Variants in TRIM37 observed in about 807,000 individuals in gnomAD.
TRIM37 encodes the protein tripartite motif containing 37.
TRIM37 carries 80 observed loss-of-function variants against 129.8 expected under a neutral mutation model. That is an observed-to-expected ratio of 0.62 (90% CI 0.51 to 0.74). TRIM37 has a LOEUF of 0.74. TRIM37 is among the 30% of genes least tolerant of loss of function. The probability of loss-of-function intolerance (pLI) is 0.00; values close to 1 mark genes in which losing one functional copy is unlikely to be tolerated. For missense variants in TRIM37, 1,054 were observed against 1,176.5 expected (o/e 0.90, Z 1.52); for synonymous variants, 389 against 387.1 (o/e 1.00, Z -0.06).
chr17:59,038,334 T>G (rs945771617), intron 17 of TRIM37, among the ~76,000 whole-genome samples: 1 of 152,200 alleles, frequency 6.6e-6, no homozygotes, highest in Non-Finnish European at 1.5e-5. Flanking sequence ...CCTTAGGTTA[T>G]AAATTACTTA....
intron 17 of TRIM37, among the ~76,000 whole-genome samples, chr17:59,032,693 T>G (rs538301239): frequency 1.3e-5 from 2 of 152,126 alleles, no homozygotes; most frequent in Non-Finnish European, 2.9e-5. Context: ...TGTGCACAAT[T>G]GGGGGGATGA....
At chr17:58,975,684 A>G in the TRIM37 span, among the ~76,000 whole-genome samples, 2 of 152,326 alleles carry the variant, frequency 1.3e-5, no homozygotes, top group East Asian at 3.9e-4. Context: ...GGAGTGGTAG[A>G]TTAGCAGTGT....
the TRIM37 span, among the ~76,000 whole-genome samples, chr17:58,967,929 G>A: frequency 1.3e-5 from 2 of 151,662 alleles, no homozygotes; most frequent in Non-Finnish European, 2.9e-5. Flanking sequence ...TCAGCCTCCC[G>A]AGTAGCTGGG....
In TRIM37 at chr17:59,012,314, T is replaced by G; in HGVS notation, c.2695+14A>C. ...TCTCATTTCCTGCTTACTTATAAGT[T>G]TATCATTCCTTACCTTCTTCAGGGG... On this transcript the variant is annotated intron_variant, in intron 22 of 23. Transcript: ENST00000262294. 7.0e-6 allele frequency: 11 copies of G among 1,562,550 alleles called. No individual in the cohort carries two copies. Among genetic ancestry groups the G allele is most frequent in the Non-Finnish European group, 9.7e-6 (11 of 1,136,418 alleles).
chr17:58,972,260 C>T, the TRIM37 span: 1 of 1,613,896 alleles, frequency 6.2e-7, no homozygotes, highest in Non-Finnish European at 8.5e-7. Context: ...TGAAGCCACA[C>T]AAACCAGACA....
chr17:59,001,862 A>G, intron 22 of TRIM37, 148 bp from the exon 23 acceptor site: 3 of 1,147,160 alleles, frequency 2.6e-6, no homozygotes, highest in Non-Finnish European at 3.7e-6. Context: ...AACAAAACAA[A>G]GACAAAAGTA....
chr17:58,968,911 A>G, the TRIM37 span, among the ~76,000 whole-genome samples: 2 of 152,226 alleles, frequency 1.3e-5, no homozygotes, highest in Non-Finnish European at 2.9e-5. Flanking sequence ...GCATTTGAGC[A>G]TCTGATGTGG....
chr17:59,045,857 A>C (rs2039737968), intron 16 of TRIM37, among the ~76,000 whole-genome samples: 1 of 151,804 alleles, frequency 6.6e-6, no homozygotes. Context: ...TCCACTAAAA[A>C]TACAAAAAAA....
chr17:59,017,867 C>T (rs905528387), intron 19 of TRIM37, among the ~76,000 whole-genome samples: 1 of 152,138 alleles, frequency 6.6e-6, no homozygotes, highest in African/African-American at 2.4e-5. Flanking sequence ...CTCAGGTGAT[C>T]CACCTGCCGC....
chr17:59,097,253 C>A (rs2044983301), intron 2 of TRIM37, among the ~76,000 whole-genome samples: 1 of 152,088 alleles, frequency 6.6e-6, no homozygotes. Context: ...TTTACCATTT[C>A]TATTTGACAT....
Position 59,091,345 on chromosome 17 carries a change from G to C in TRIM37, c.124-5C>G. On this transcript the variant is annotated splice_polypyrimidine_tract_variant and splice_region_variant and intron_variant, in intron 2 of 23. Coordinates refer to ENST00000262294, the MANE Select transcript of TRIM37 (RefSeq NM_015294.6). ...TCTCTGCTCTGTCAGCCAGCGCTAA[G>C]GGGGCAAAAGATTAGATATCGATTA... is the stretch of plus-strand genomic sequence containing the variant. 1 of 1,541,594 alleles carries C rather than the reference G, an allele frequency of 6.5e-7. No individual in the cohort carries two copies. Among genetic ancestry groups the C allele is most frequent in the Non-Finnish European group, 8.8e-7 (1 of 1,139,142 alleles).
downstream of TRIM37, among the ~76,000 whole-genome samples, chr17:58,995,145 C>T: frequency 6.6e-6 from 1 of 152,068 alleles, no homozygotes. Context: ...ACCTCCCAAG[C>T]TCAAGTGATC....
chr17:59,071,380 G>T (rs949900767), intron 8 of TRIM37, among the ~76,000 whole-genome samples: 1 of 151,214 alleles, frequency 6.6e-6, no homozygotes, highest in African/African-American at 2.4e-5. Context: ...CCGCCTCCTG[G>T]GTTCAAGCGA....
rs1475935539 is a variant in TRIM37, at chr17:59,047,914, TAC to T, written c.1531-97_1531-96del. 6 of 1,476,916 alleles carry T rather than the reference TAC, an allele frequency of 4.1e-6. No homozygotes were observed. The African/African-American group carries it at 5.6e-5, about 14-fold the overall frequency. The allele number at this position is 1,476,916 out of a possible 1,614,324, so 91.5% of individuals were successfully genotyped here. A position where few individuals can be genotyped will look rare whatever the true frequency, so the allele number is the denominator to read the frequency against. ...CCATAAACCAAGCACCAAAGAATAATACAGTTTTCAAAAATCTATTTTCTGCT... is the reference window on the plus strand; with the variant it reads ...CCATAAACCAAGCACCAAAGAATAATAGTTTTCAAAAATCTATTTTCTGCT... On this transcript the variant is annotated intron_variant, in intron 15 of 23. Transcript: ENST00000262294.
intron 16 of TRIM37, among the ~76,000 whole-genome samples, chr17:59,045,056 G>A (rs566818335): frequency 1.3e-5 from 2 of 152,026 alleles, no homozygotes; most frequent in South Asian, 2.1e-4. Flanking sequence ...GCTGGGTGCC[G>A]TGGCTCATGC....
At chr17:58,990,465 C>A (rs1337207371) in intron 24 of TRIM37, among the ~76,000 whole-genome samples, 1 of 145,820 alleles carries the variant, frequency 6.9e-6, no homozygotes. Context: ...CACTCCAGCC[C>A]AGGTGACAGA....
chr17:59,047,262 A>C (rs1257386359), intron 16 of TRIM37, among the ~76,000 whole-genome samples: 1 of 152,246 alleles, frequency 6.6e-6, no homozygotes, highest in Non-Finnish European at 1.5e-5. Flanking sequence ...AATTTTTAGA[A>C]GGTTACAGTA....
At chr17:59,096,355 C>A (rs1025279727) in intron 2 of TRIM37, among the ~76,000 whole-genome samples, 1 of 151,628 alleles carries the variant, frequency 6.6e-6, no homozygotes, top group Non-Finnish European at 1.5e-5. Context: ...AGTTCGAGAC[C>A]AGCCTGGCCA....
Position 59,070,861 on chromosome 17 carries a change from T to C in TRIM37, c.771A>G (p.Ala257=). ...MFQQVHRKPM[A]SFVTTPVPPD... ...GTGGAACAGGAGTGGTAACAAAAGATGCCATGGGCTTCCGATGAACTTGCT... is the reference window on the plus strand; with the variant it reads ...GTGGAACAGGAGTGGTAACAAAAGACGCCATGGGCTTCCGATGAACTTGCT... Residue 257 remains alanine (A), a synonymous_variant, in exon 9 of 24, where the codon GCA becomes GCG. Transcript: ENST00000262294. The C allele has an allele frequency of 6.2e-7, 1 of 1,614,080 alleles. No homozygotes were observed. Among genetic ancestry groups the C allele is most frequent in the South Asian group, 1.1e-5 (1 of 91,090 alleles).
Sources: allele counts gnomAD v4.1 joint callset (sites outside exome capture counted in the v4.1 genomes callset), GRCh38; gene constraint gnomAD v4.1.1; transcripts MANE v1.5; gene names NCBI Gene and HGNC (gene_info 2026-07-23, HGNC 2026-07-21).